Variants in LPAR1 observed in about 807,000 individuals in gnomAD.
The protein encoded by LPAR1 is LPA receptor 1.
Under a neutral mutation model 23.8 loss-of-function variants are expected in LPAR1, and 5 were observed. The observed-to-expected ratio is 0.21, with a 90% CI of 0.11 to 0.44. LPAR1 has a LOEUF of 0.44. LPAR1 is among the 20% of genes least tolerant of loss of function. The pLI is 0.99. For synonymous variants in LPAR1, 160 were observed against 164.7 expected, an observed-to-expected ratio of 0.97 and a Z score of 0.22; for missense variants, 311 against 482.8, an observed-to-expected ratio of 0.64 and a Z score of 3.33.
At position 110,897,080 on chromosome 9, in the gene LPAR1, C is replaced by T. The variant is rs145534202; in HGVS notation, c.794-21358G>A. On this transcript the variant is annotated intron_variant, in intron 5 of 5. Coordinates refer to ENST00000683809, the MANE Select transcript of LPAR1 (RefSeq NM_001351411.2). ...GAGATTACAGGCGTGATTTAGTGAA[C>T]TCTTTAATCAGACAGAGAATTTTAT... is the stretch of plus-strand genomic sequence containing the variant. Among the ~76,000 whole-genome samples, 244 of 152,296 alleles carry T rather than the reference C, an allele frequency of 1.6e-3. 3 individuals are homozygous for T. Among genetic ancestry groups the T allele is most frequent in the Middle Eastern group, 0.014 (4 of 294 alleles).
rs143479687 is a variant in LPAR1, at chr9:110,937,329, T to C, written c.793+4092A>G. Among the ~76,000 whole-genome samples the C allele has an allele frequency of 1.1e-3, 170 of 152,296 alleles. 1 individual carries two copies. The highest frequency in any genetic ancestry group is 3.9e-3 in the African/African-American group (163 of 41,564). The stretch of plus-strand genomic sequence containing the variant: ...AACTAAATACAGCATGTGCTGCTAG[T>C]TGTTTTGATTAAAGGGAAGTAGAAT... On this transcript the variant is annotated intron_variant, in intron 5 of 5. Transcript: ENST00000683809.
chr9:111,031,494 C>A (rs1203356714), intron 2 of LPAR1, among the ~76,000 whole-genome samples: 1 of 151,768 alleles, frequency 6.6e-6, no homozygotes, highest in South Asian at 2.1e-4. Context: ...ACCTGCGGTC[C>A]CAGCTACTTG....
At chr9:111,003,223 T>C (rs2097160360) in intron 2 of LPAR1, among the ~76,000 whole-genome samples, 2 of 152,152 alleles carry the variant, frequency 1.3e-5, no homozygotes, top group South Asian at 4.1e-4. Flanking sequence ...AGCTGAAATG[T>C]GTAAGTTTTA....
At chr9:110,939,889 C>G (rs1219521706) in intron 5 of LPAR1, among the ~76,000 whole-genome samples, 1 of 152,072 alleles carries the variant, frequency 6.6e-6, no homozygotes, top group Non-Finnish European at 1.5e-5. Context: ...ATATTTGAGT[C>G]AATACAGGAA....
chr9:110,912,283 G>T (rs2092551276), intron 5 of LPAR1, among the ~76,000 whole-genome samples: 1 of 152,172 alleles, frequency 6.6e-6, no homozygotes, highest in African/African-American at 2.4e-5. Flanking sequence ...TCACATTACA[G>T]AATTGTGCAA....
intron 2 of LPAR1, among the ~76,000 whole-genome samples, chr9:110,994,519 CAG>C (rs763691962): frequency 1.6e-4 from 24 of 152,270 alleles, no homozygotes; most frequent in African/African-American, 4.6e-4. Context: ...GTGAGAAAAA[CAG>C]AGTATTTGAA....
At chr9:110,905,873 G>C (rs571836322) in intron 5 of LPAR1, among the ~76,000 whole-genome samples, 3 of 152,260 alleles carry the variant, frequency 2.0e-5, no homozygotes, top group African/African-American at 7.2e-5. Context: ...GCGTGTCCTG[G>C]CTCAATACCC....
intron 2 of LPAR1, among the ~76,000 whole-genome samples, chr9:111,027,675 C>T (rs565959361): frequency 6.6e-5 from 10 of 151,518 alleles, no homozygotes; most frequent in Non-Finnish European, 1.0e-4. Context: ...TGATAGAAAG[C>T]CTTAACTCAA....
At chr9:111,022,248 G>A (rs778182752) in intron 2 of LPAR1, among the ~76,000 whole-genome samples, 6 of 152,104 alleles carry the variant, frequency 3.9e-5, no homozygotes, top group Non-Finnish European at 8.8e-5. Context: ...CTAATAATAG[G>A]ACTGGGAGAA....
At chr9:111,012,249 TCAAACAAACAAA>T (rs375456724) in intron 2 of LPAR1, among the ~76,000 whole-genome samples, 15 of 152,088 alleles carry the variant, frequency 9.9e-5, no homozygotes, top group African/African-American at 3.4e-4. Flanking sequence ...AAACCCTGTC[TCAAACAAACAAA>T]CAAACAAACA....
chr9:110,959,021 C>T (rs7046506), intron 4 of LPAR1, among the ~76,000 whole-genome samples: 26,202 of 150,410 alleles, frequency 0.17, 3,070 homozygotes, highest in East Asian at 0.6. Context: ...AAGATATCAT[C>T]TTACCCCAGC....
chr9:110,999,385 C>A (rs1022751650), intron 2 of LPAR1: 5 of 455,982 alleles, frequency 1.1e-5, no homozygotes, highest in Admixed American at 2.4e-5. Context: ...AGACCTCCCC[C>A]ACCCTACCTC....
At chr9:110,879,334 C>T (rs909881310) in intron 5 of LPAR1, among the ~76,000 whole-genome samples, 8 of 144,040 alleles carry the variant, frequency 5.6e-5, no homozygotes, top group East Asian at 2.2e-4. Flanking sequence ...AGGAGAATCA[C>T]TTGAACCCAG....
chr9:111,006,784 G>A (rs1345371104), intron 2 of LPAR1, among the ~76,000 whole-genome samples: 1 of 152,160 alleles, frequency 6.6e-6, no homozygotes, highest in Non-Finnish European at 1.5e-5. Context: ...CAGATTGAGA[G>A]GAGGCTATTT....
chr9:111,029,925 C>T (rs1459435582), intron 2 of LPAR1, among the ~76,000 whole-genome samples: 1 of 151,446 alleles, frequency 6.6e-6, no homozygotes, highest in African/African-American at 2.4e-5. Context: ...CATGGTGGTG[C>T]ACGCCTGTGG....
chr9:111,000,267 G>A (rs1221712726), intron 2 of LPAR1, among the ~76,000 whole-genome samples: 1 of 152,114 alleles, frequency 6.6e-6, no homozygotes, highest in Admixed American at 6.5e-5. Flanking sequence ...CCTGAATATG[G>A]GAGAACAGTA....
chr9:110,878,854 G>T (rs1258286401), intron 5 of LPAR1, among the ~76,000 whole-genome samples: 1 of 152,160 alleles, frequency 6.6e-6, no homozygotes, highest in African/African-American at 2.4e-5. Flanking sequence ...AAGGCTCTGA[G>T]ACAATACTAT....
At chr9:110,981,573 A>T (rs1366293320) in intron 2 of LPAR1, among the ~76,000 whole-genome samples, 1 of 128,934 alleles carries the variant, frequency 7.8e-6, no homozygotes, top group Non-Finnish European at 1.7e-5. Flanking sequence ...TACAAGTTTG[A>T]TTTTAAAATT....
At chr9:111,005,363 C>G (rs2097196617) in intron 2 of LPAR1, among the ~76,000 whole-genome samples, 1 of 150,222 alleles carries the variant, frequency 6.7e-6, no homozygotes, top group Admixed American at 6.7e-5. Flanking sequence ...CACTTGAGCT[C>G]AGGAGACCAG....
Sources: allele counts gnomAD v4.1 joint callset (sites outside exome capture counted in the v4.1 genomes callset), GRCh38; gene constraint gnomAD v4.1.1; transcripts MANE v1.5; gene names NCBI Gene and HGNC (gene_info 2026-07-23, HGNC 2026-07-21).